The following PDZRN4 variants were observed in gnomAD, a reference collection of about 807,000 sequenced individuals.
The protein encoded by PDZRN4 is PDZ domain containing ring finger 4.
Under a neutral mutation model 99.0 loss-of-function variants are expected in PDZRN4, and 70 were observed. That is an observed-to-expected ratio of 0.71 (90% confidence interval 0.58 to 0.86). PDZRN4 has a LOEUF of 0.86. Among genes scored for constraint, PDZRN4 ranks in the 40% least tolerant of loss-of-function variants. The pLI is 0.00. For synonymous variants in PDZRN4, 551 were observed against 501.6 expected (o/e 1.10, Z -1.32); for missense variants, 1,474 against 1,331.2 (o/e 1.11, Z -1.67).
At chr12:41,481,765 A>G (rs534424819) in intron 3 of PDZRN4, among the ~76,000 whole-genome samples, 5 of 151,946 alleles carry the variant, frequency 3.3e-5, no homozygotes, top group African/African-American at 1.2e-4. Context: ...TATCTTTTTT[A>G]TGTACATGTC....
chr12:41,188,878 G>C lies in PDZRN4; in HGVS notation c.423G>C (p.Arg141=), dbSNP rs1234501942. ...GCGGTCCGACACCCAGGGCTGGCCG[G>C]GGCGGGGGCGCGCGCGGGGGGCCGC... is the stretch of plus-strand genomic sequence containing the variant. The part of the protein sequence containing the change: ...GGCGPTPRAG[R]GGGARGGPPG... Residue 141 remains arginine (R), a synonymous_variant, in exon 1 of 10, where the codon CGG becomes CGC. Coordinates refer to ENST00000402685, the MANE Select transcript of PDZRN4 (RefSeq NM_001164595.2). The C allele has an allele frequency of 7.1e-6, 8 of 1,120,606 alleles. No homozygotes were observed. In the African/African-American group the frequency reaches 1.2e-4, roughly 16 times the overall value. The allele number at this position is 1,120,606 out of a possible 1,614,324, so 69.4% of individuals were successfully genotyped here. A position where few individuals can be genotyped will look rare whatever the true frequency, so the allele number is the denominator to read the frequency against.
At chr12:41,349,089 T>A (rs2121033506) in intron 3 of PDZRN4, among the ~76,000 whole-genome samples, 1 of 152,066 alleles carries the variant, frequency 6.6e-6, no homozygotes, top group South Asian at 2.1e-4. Flanking sequence ...ATTTATAAAT[T>A]TTAATTTTGA....
intron 3 of PDZRN4, among the ~76,000 whole-genome samples, chr12:41,354,592 A>G (rs1487019587): frequency 6.6e-6 from 1 of 152,108 alleles, no homozygotes; most frequent in Non-Finnish European, 1.5e-5. Context: ...TCCAAGAAGT[A>G]TCAGAATTGC....
intron 3 of PDZRN4, among the ~76,000 whole-genome samples, chr12:41,487,208 T>C (rs1435546527): frequency 6.6e-6 from 1 of 152,114 alleles, no homozygotes; most frequent in Non-Finnish European, 1.5e-5. Flanking sequence ...TGACATTATC[T>C]CAGTGCCTAG....
At chr12:41,445,983 C>T (rs547583192) in intron 3 of PDZRN4, among the ~76,000 whole-genome samples, 1 of 152,110 alleles carries the variant, frequency 6.6e-6, no homozygotes, top group East Asian at 1.9e-4. Flanking sequence ...GTATTCATTT[C>T]TTCTTTATTA....
chr12:41,232,101 CAT>C (rs35544201), intron 3 of PDZRN4, among the ~76,000 whole-genome samples: 76,042 of 151,480 alleles, frequency 0.5, 19,905 homozygotes, highest in South Asian at 0.66. Flanking sequence ...ATTGCAAAGA[CAT>C]GTTGTAGAAT....
At chr12:41,497,290 A>G (rs1185127701) in intron 3 of PDZRN4, among the ~76,000 whole-genome samples, 2 of 152,124 alleles carry the variant, frequency 1.3e-5, no homozygotes, top group Non-Finnish European at 2.9e-5. Context: ...TTTAATGACA[A>G]TGACATTTTT....
chr12:41,417,203 T>C (rs1249246106), intron 3 of PDZRN4, among the ~76,000 whole-genome samples: 1 of 152,208 alleles, frequency 6.6e-6, no homozygotes, highest in Non-Finnish European at 1.5e-5. Context: ...TTTTTGGAAA[T>C]GTTTTTTAAA....
intron 3 of PDZRN4, among the ~76,000 whole-genome samples, chr12:41,297,506 G>C (rs1256786847): frequency 6.6e-6 from 1 of 152,138 alleles, no homozygotes. Flanking sequence ...ACTAAGGCCT[G>C]TTCTCTGAAT....
At chr12:41,381,557 C>T (rs1192277865) in intron 3 of PDZRN4, among the ~76,000 whole-genome samples, 1 of 152,080 alleles carries the variant, frequency 6.6e-6, no homozygotes, top group Non-Finnish European at 1.5e-5. Flanking sequence ...TTGTGTTCTT[C>T]AGCTCTTAAT....
At chr12:41,256,973 A>G (rs1951208189) in intron 3 of PDZRN4, among the ~76,000 whole-genome samples, 2 of 152,044 alleles carry the variant, frequency 1.3e-5, no homozygotes, top group Admixed American at 1.3e-4. Context: ...CCTTCTAAAC[A>G]TTTCTTGAAC....
At chr12:41,465,754 A>G (rs1952918436) in intron 3 of PDZRN4, among the ~76,000 whole-genome samples, 1 of 152,210 alleles carries the variant, frequency 6.6e-6, no homozygotes, top group Admixed American at 6.5e-5. Flanking sequence ...GAGGAGCAGG[A>G]TGTGACGAAT....
At chr12:41,261,553 G>A (rs998013553) in intron 3 of PDZRN4, among the ~76,000 whole-genome samples, 2 of 152,138 alleles carry the variant, frequency 1.3e-5, no homozygotes, top group East Asian at 3.9e-4. Context: ...GCCGTGGCGC[G>A]ATCTCGGCTC....
At chr12:41,209,717 G>A (rs1387988721) in intron 3 of PDZRN4, among the ~76,000 whole-genome samples, 1 of 149,744 alleles carries the variant, frequency 6.7e-6, no homozygotes, top group African/African-American at 2.5e-5. Context: ...TGGTGTATAT[G>A]TGCCACATTT....
chr12:41,513,236 T>A (rs1035078609), intron 5 of PDZRN4, among the ~76,000 whole-genome samples: 1 of 152,056 alleles, frequency 6.6e-6, no homozygotes, highest in Non-Finnish European at 1.5e-5. Flanking sequence ...GACAAGCAAA[T>A]GCTTCTTTGG....
At chr12:41,522,298 A>G (rs1938505243) in intron 5 of PDZRN4, among the ~76,000 whole-genome samples, 1 of 152,048 alleles carries the variant, frequency 6.6e-6, no homozygotes, top group African/African-American at 2.4e-5. Flanking sequence ...AGTGAAAGGG[A>G]CTCCAAACTT....
At chr12:41,535,717 C>T (rs1938737367) in intron 5 of PDZRN4, among the ~76,000 whole-genome samples, 1 of 152,050 alleles carries the variant, frequency 6.6e-6, no homozygotes, top group Admixed American at 6.5e-5. Flanking sequence ...GCAGTGGGTT[C>T]ATTAAAAAAT....
At chr12:41,279,108 G>A (rs957035229) in intron 3 of PDZRN4, among the ~76,000 whole-genome samples, 9 of 152,174 alleles carry the variant, frequency 5.9e-5, no homozygotes, top group Admixed American at 5.2e-4. Flanking sequence ...CCAGTTACAC[G>A]CAGGGTTCGG....
chr12:41,486,466 T>C (rs1937776124), intron 3 of PDZRN4, among the ~76,000 whole-genome samples: 1 of 152,102 alleles, frequency 6.6e-6, no homozygotes, highest in Non-Finnish European at 1.5e-5. Context: ...ATTGCAAAAG[T>C]GGAATCAAAC....
Sources: gnomAD v4.1 joint callset for allele counts (sites outside exome capture counted in the v4.1 genomes callset) on GRCh38, gnomAD v4.1.1 for gene constraint, MANE v1.5 for transcripts, NCBI Gene and HGNC (gene_info 2026-07-23, HGNC 2026-07-21) for gene names.